Variants in HABP2 observed in about 807,000 individuals in gnomAD.
The protein encoded by HABP2 is hyaluronan binding protein 2, also known as factor VII-activating protease.
A neutral mutation model predicts 66.5 loss-of-function variants in HABP2; 65 were observed. The ratio of observed to expected loss-of-function variants is 0.98; its 90% CI spans 0.80 to 1.20. The LOEUF (loss-of-function observed/expected upper bound fraction) is 1.20, where lower values mean the gene tolerates loss of function less well. HABP2 is among the 50% of genes most tolerant of loss of function. The pLI, the probability that HABP2 is intolerant of heterozygous loss-of-function variation, is 0.00. For missense variants in HABP2, 786 were observed against 691.0 expected, an observed-to-expected ratio of 1.14 and a Z score of -1.54; for synonymous variants, 263 against 253.9, an observed-to-expected ratio of 1.04 and a Z score of -0.34.
intron 2 of HABP2, among the ~76,000 whole-genome samples, chr10:113,569,160 G>A (rs551790253): frequency 1.3e-5 from 2 of 152,332 alleles, no homozygotes; most frequent in Admixed American, 1.3e-4. Context: ...ATCACTGGAG[G>A]CTTTTTAAGC....
rs754291971 is a variant in HABP2, at chr10:113,575,981, T to C, written c.308T>C (p.Phe103Ser). The C allele has an allele frequency of 2.5e-6, 4 of 1,601,240 alleles. No individual in the cohort carries two copies. In the South Asian group the frequency reaches 3.3e-5, roughly 13 times the overall value. Residue 103 changes from phenylalanine (F) to serine (S), a missense_variant, in exon 4 of 13, where the codon TTC (phenylalanine) becomes TCC (serine). Physicochemically the swap from Phe to Ser is radical, Grantham distance 155. Coordinates refer to ENST00000351270, the MANE Select transcript of HABP2 (RefSeq NM_004132.5). ...TTCACATGCAGCTGCCTGGCTCCTTTCTCTGGGAATAAGTGTCAGAAAGGT... is the reference window on the plus strand; with the variant it reads ...TTCACATGCAGCTGCCTGGCTCCTTCCTCTGGGAATAAGTGTCAGAAAGGT... Reference protein sequence around the residue: ...STFTCSCLAPFSGNKCQKVQN... With the variant: ...STFTCSCLAPSSGNKCQKVQN...
upstream of HABP2, among the ~76,000 whole-genome samples, chr10:113,552,441 G>GT (rs550014324): frequency 5.3e-5 from 8 of 152,078 alleles, no homozygotes; most frequent in Non-Finnish European, 1.0e-4. Flanking sequence ...TGAACACCAT[G>GT]TTTTTTTTCC....
Position 113,570,671 on chromosome 10 carries a change from C to T in HABP2, c.106+3146C>T, listed in dbSNP as rs77882936. On this transcript the variant is annotated intron_variant, in intron 2 of 12. Transcript: ENST00000351270. ...TATTTTCTTTGCCAAGTACATTTGACCCATTTCTTACACAGTTTCTTACTG... is the reference window on the plus strand; with the variant it reads ...TATTTTCTTTGCCAAGTACATTTGATCCATTTCTTACACAGTTTCTTACTG... Among the ~76,000 whole-genome samples the T allele has an allele frequency of 2.2e-3, 331 of 152,334 alleles. 2 individuals are homozygous for T. Among genetic ancestry groups the T allele is most frequent in the African/African-American group, 7.7e-3 (320 of 41,578 alleles).
chr10:113,561,880 G>A (rs1276527506), intron 1 of HABP2, among the ~76,000 whole-genome samples: 1 of 152,186 alleles, frequency 6.6e-6, no homozygotes, highest in Non-Finnish European at 1.5e-5. Flanking sequence ...TAGACTTGAT[G>A]TATGTGCACC....
intron 1 of HABP2, among the ~76,000 whole-genome samples, chr10:113,558,507 C>G (rs1845041427): frequency 6.6e-6 from 1 of 152,246 alleles, no homozygotes; most frequent in African/African-American, 2.4e-5. Flanking sequence ...CAGCACCCGC[C>G]AGTCCTTCCC....
chr10:113,557,956 C>T (rs1319964649), intron 1 of HABP2, among the ~76,000 whole-genome samples: 1 of 152,186 alleles, frequency 6.6e-6, no homozygotes. Context: ...TGGGAGGTTA[C>T]AGCTCTGGGA....
chr10:113,559,324 G>A (rs956119602), intron 1 of HABP2, among the ~76,000 whole-genome samples: 1 of 152,178 alleles, frequency 6.6e-6, no homozygotes. Context: ...TTCTCACCAA[G>A]TCTCACCTGC....
rs776996797 is a variant in HABP2, at chr10:113,574,280, T to A, written c.107-9T>A. The A allele has an allele frequency of 2.2e-6, 3 of 1,376,848 alleles. No individual in the cohort carries two copies. In the Admixed American group the frequency reaches 5.0e-5, roughly 23 times the overall value. The allele number at this position is 1,376,848 out of a possible 1,614,324, so 85.3% of individuals were successfully genotyped here. On this transcript the variant is annotated splice_polypyrimidine_tract_variant and intron_variant, in intron 2 of 12. Transcript: ENST00000351270. Reference sequence around the variant, plus strand: ...TAGGATTTCTTCTGTCCTGTTACCATCCCTGCAGACTGGACCCCTGACCAG... The same window carrying A: ...TAGGATTTCTTCTGTCCTGTTACCAACCCTGCAGACTGGACCCCTGACCAG...
intron 2 of HABP2, among the ~76,000 whole-genome samples, chr10:113,572,032 C>G (rs1845323737): frequency 6.6e-6 from 1 of 152,234 alleles, no homozygotes; most frequent in Non-Finnish European, 1.5e-5. Context: ...GGCAGCCCAT[C>G]CCAAATGGAA....
At chr10:113,551,180 C>T (rs1844891904), upstream of HABP2, among the ~76,000 whole-genome samples, 1 of 152,198 alleles carries the variant, frequency 6.6e-6, no homozygotes, top group South Asian at 2.1e-4. Context: ...GAGCGTCTAT[C>T]CAGTGCTGGG....
intron 2 of HABP2, among the ~76,000 whole-genome samples, chr10:113,571,971 G>A (rs956232064): frequency 2.0e-5 from 3 of 152,228 alleles, no homozygotes; most frequent in Non-Finnish European, 4.4e-5. Context: ...AATCCTAGAA[G>A]TGGAGAAACC....
chr10:113,589,432 C>G lies in HABP2; in HGVS notation c.*1063C>G, dbSNP rs1845802948. 1 of 597,304 alleles carries G rather than the reference C, an allele frequency of 1.7e-6. No individual in the cohort carries two copies. The highest frequency in any genetic ancestry group is 2.2e-5 in the South Asian group (1 of 46,282). 37.0% of individuals were successfully genotyped at this position (597,304 alleles called of 1,614,324 possible). A position where few individuals can be genotyped will look rare whatever the true frequency, so the allele number is the denominator to read the frequency against. ...ATTGATGTAGCCCCGGTAGGTTTGCCTCTGCAGAACTAATGGCTGTGACTT... is the reference window on the plus strand; with the variant it reads ...ATTGATGTAGCCCCGGTAGGTTTGCGTCTGCAGAACTAATGGCTGTGACTT... On this transcript the variant is annotated 3_prime_UTR_variant, in exon 13 of 13. Transcript: ENST00000351270.
At position 113,589,602 on chromosome 10, in the gene HABP2, A is replaced by C; in HGVS notation, c.*1233A>C. The C allele has an allele frequency of 2.6e-6, 4 of 1,557,880 alleles. No individual in the cohort carries two copies. The highest frequency in any genetic ancestry group is 3.5e-6 in the Non-Finnish European group (4 of 1,154,842). On this transcript the variant is annotated 3_prime_UTR_variant, in exon 13 of 13. Transcript: ENST00000351270. Reference sequence around the variant, plus strand: ...GGCCAAAAATAAACTTTGAAAAGAAACAATGAGTTTGTCTTTCCCCATGGC... The same window carrying C: ...GGCCAAAAATAAACTTTGAAAAGAACCAATGAGTTTGTCTTTCCCCATGGC...
chr10:113,567,387 G>A, intron 1 of HABP2, 102 bp from the exon 2 acceptor site: 1 of 858,870 alleles, frequency 1.2e-6, no homozygotes, highest in South Asian at 1.4e-5. Flanking sequence ...AAAGCACGCA[G>A]TGCACCTGCA....
chr10:113,569,144 T>TTTCC (rs1845256078), intron 2 of HABP2, among the ~76,000 whole-genome samples: 1 of 152,182 alleles, frequency 6.6e-6, no homozygotes, highest in Non-Finnish European at 1.5e-5. Flanking sequence ...AGGTAATGAG[T>TTTCC]TTCCCATCAC....
At chr10:113,553,844 C>A (rs888133584) in intron 1 of HABP2, among the ~76,000 whole-genome samples, 12 of 152,246 alleles carry the variant, frequency 7.9e-5, no homozygotes, top group Admixed American at 1.3e-4. Context: ...TCAGGACCTT[C>A]CGGAGCAGAT....
intron 6 of HABP2, 102 bp downstream of exon 6, chr10:113,578,247 C>T: frequency 6.2e-6 from 8 of 1,280,586 alleles, no homozygotes; most frequent in Middle Eastern, 1.9e-4. Flanking sequence ...GTTTCCCAAA[C>T]TCGACTATTG....
chr10:113,576,115 T>A, intron 4 of HABP2, 111 bp downstream of exon 4: 1 of 703,486 alleles, frequency 1.4e-6, no homozygotes, highest in Non-Finnish European at 2.6e-6. Context: ...ACTGCAATAC[T>A]GTATCATGCA....
Position 113,588,793 on chromosome 10 carries a change from G to A in HABP2, c.*424G>A. On this transcript the variant is annotated 3_prime_UTR_variant, in exon 13 of 13. Coordinates refer to ENST00000351270, the MANE Select transcript of HABP2 (RefSeq NM_004132.5). ...CAACAGAATCAGCCATCCACGTCTA[G>A]GTATCAGAGAGGACCACAAATACAA... is the stretch of plus-strand genomic sequence containing the variant. The A allele has an allele frequency of 1.7e-6, 1 of 603,018 alleles. No individual in the cohort carries two copies. Among genetic ancestry groups the A allele is most frequent in the South Asian group, 2.1e-5 (1 of 48,186 alleles). 37.4% of individuals were successfully genotyped at this position (603,018 alleles called of 1,614,324 possible). A position where few individuals can be genotyped will look rare whatever the true frequency, so the allele number is the denominator to read the frequency against.
Sources: allele counts gnomAD v4.1 joint callset (sites outside exome capture counted in the v4.1 genomes callset), GRCh38; gene constraint gnomAD v4.1.1; transcripts MANE v1.5; gene names NCBI Gene and HGNC (gene_info 2026-07-23, HGNC 2026-07-21).